The following NRXN1 variants were observed in gnomAD, a reference collection of about 807,000 sequenced individuals.
NRXN1 encodes the protein neurexin 1.
Under a neutral mutation model 150.9 loss-of-function variants are expected in NRXN1, and 39 were observed. The observed-to-expected ratio is 0.26, with a 90% CI of 0.20 to 0.34. The LOEUF (loss-of-function observed/expected upper bound fraction) is 0.34, where lower values mean the gene tolerates loss of function less well. Ranked by LOEUF, NRXN1 falls within the 10% of genes least tolerant of loss-of-function variation. NRXN1 has a pLI of 1.00. For missense variants in NRXN1, 1,815 were observed against 1,949.9 expected, an observed-to-expected ratio of 0.93 and a Z score of 1.30; for synonymous variants, 924 against 757.0, an observed-to-expected ratio of 1.22 and a Z score of -3.62.
chr2:50,354,916 T>A (rs187283775), intron 17 of NRXN1, among the ~76,000 whole-genome samples: 2 of 152,008 alleles, frequency 1.3e-5, no homozygotes, highest in Admixed American at 1.3e-4. Flanking sequence ...GAAAGAAGCA[T>A]GAGATTGTTG....
chr2:50,132,646 G>A (rs1041386285), intron 18 of NRXN1, among the ~76,000 whole-genome samples: 1 of 151,858 alleles, frequency 6.6e-6, no homozygotes, highest in Admixed American at 6.6e-5. Flanking sequence ...ATGTGAATTG[G>A]GGGAGGACAG....
At chr2:50,972,024 T>A (rs957515742) in intron 2 of NRXN1, among the ~76,000 whole-genome samples, 36 of 152,024 alleles carry the variant, frequency 2.4e-4, no homozygotes, top group African/African-American at 8.7e-4. Context: ...AGAGATATCC[T>A]GGAGACTCAA....
Position 50,488,179 on chromosome 2 carries a change from A to G in NRXN1, c.3070+7726T>C, listed in dbSNP as rs558212560. On this transcript the variant is annotated intron_variant, in intron 15 of 22. Coordinates refer to ENST00000401669, the MANE Select transcript of NRXN1 (RefSeq NM_001330078.2). ...AAATCACACTTTTTGAGCCTTTGAT[A>G]TCTTCATTTATAACCCAAGTAGCCT... Among the ~76,000 whole-genome samples, 198 of 152,278 alleles carry G rather than the reference A, an allele frequency of 1.3e-3. 2 individuals are homozygous for G. Among genetic ancestry groups the G allele is most frequent in the Non-Finnish European group, 2.2e-3 (150 of 68,006 alleles).
chr2:50,145,094 T>C (rs72881248), intron 18 of NRXN1, among the ~76,000 whole-genome samples: 7,049 of 151,740 alleles, frequency 0.046, 535 homozygotes, highest in African/African-American at 0.16. Context: ...GAAAATAGTA[T>C]AAAAGCATAT....
rs555728004 is a variant in NRXN1, at chr2:50,816,233, T to G, written c.832+105636A>C. On this transcript the variant is annotated intron_variant, in intron 5 of 22. Transcript: ENST00000401669. ...ATGGCCATTATCTATTATGCCCCAT[T>G]GATGAACGCTTTGGGAGGGTGATGT... Among the ~76,000 whole-genome samples, 6 of 152,240 alleles carry G rather than the reference T, an allele frequency of 3.9e-5. No homozygotes were observed. In the South Asian group the frequency reaches 1.2e-3, roughly 32 times the overall value.
At chr2:50,612,529 C>G (rs897703661) in intron 8 of NRXN1, among the ~76,000 whole-genome samples, 1 of 152,170 alleles carries the variant, frequency 6.6e-6, no homozygotes, top group Non-Finnish European at 1.5e-5. Flanking sequence ...GGGTAACTCA[C>G]TGGATGTTGT....
In NRXN1 at chr2:50,013,273, C is replaced by CTTT. The variant is rs3046630; in HGVS notation, c.4128+39995_4128+39997dup. ...TGTTGAGATATTACTATTAAAGTTT[C>CTTT]TTTTTTTTTTTTTGGATACAGCTGT... On this transcript the variant is annotated intron_variant, in intron 21 of 22. Transcript: ENST00000401669. 2.7e-4 allele frequency among the ~76,000 whole-genome samples: 37 copies of CTTT among 136,128 alleles called. 9 individuals are homozygous for CTTT. The highest frequency in any genetic ancestry group is 4.3e-4 in the East Asian group (2 of 4,618). 89.3% of individuals were successfully genotyped at this position (136,128 alleles called of 152,430 possible).
chr2:50,921,362 T>C (rs1035214852), intron 5 of NRXN1, among the ~76,000 whole-genome samples: 2 of 151,822 alleles, frequency 1.3e-5, no homozygotes, highest in Non-Finnish European at 2.9e-5. Context: ...TCTGTTTGTC[T>C]CTTTCTTAAT....
Position 51,028,454 on chromosome 2 carries a change from C to G in NRXN1, c.-181G>C. The G allele has an allele frequency of 2.2e-6, 1 of 460,294 alleles. No individual in the cohort carries two copies. The highest frequency in any genetic ancestry group is 3.8e-6 in the Non-Finnish European group (1 of 264,164). The allele number at this position is 460,294 out of a possible 1,614,324, so 28.5% of individuals were successfully genotyped here. A position where few individuals can be genotyped will look rare whatever the true frequency, so the allele number is the denominator to read the frequency against. ...TCTTCTTCTTCTTCCAATAACCCCG[C>G]CCTCTCTCCCTGTAGTCCTCTTCCA... is the stretch of plus-strand genomic sequence containing the variant. On this transcript the variant is annotated 5_prime_UTR_variant, in exon 2 of 23. Transcript: ENST00000401669.
At chr2:50,928,747 A>G (rs1687294376) in intron 2 of NRXN1, among the ~76,000 whole-genome samples, 1 of 152,080 alleles carries the variant, frequency 6.6e-6, no homozygotes, top group Non-Finnish European at 1.5e-5. Context: ...TAAGGTAGAA[A>G]GCAGTCCATC....
intron 12 of NRXN1, among the ~76,000 whole-genome samples, chr2:50,514,386 G>A (rs554974656): frequency 6.6e-6 from 1 of 152,126 alleles, no homozygotes; most frequent in Non-Finnish European, 1.5e-5. Context: ...GGTCCATATT[G>A]TGTCTGTTGT....
At chr2:50,204,783 A>AC in intron 18 of NRXN1, among the ~76,000 whole-genome samples, 1 of 152,112 alleles carries the variant, frequency 6.6e-6, no homozygotes, top group Admixed American at 6.6e-5. Context: ...GCCAAAAATA[A>AC]CCAAATGGCA....
At chr2:49,971,752 A>G (rs1678000104) in intron 21 of NRXN1, among the ~76,000 whole-genome samples, 1 of 152,168 alleles carries the variant, frequency 6.6e-6, no homozygotes, top group Admixed American at 6.5e-5. Flanking sequence ...TATGAAGGAA[A>G]TTGCAGCAGA....
intron 17 of NRXN1, among the ~76,000 whole-genome samples, chr2:50,360,574 A>G (rs2079119606): frequency 6.6e-6 from 1 of 152,214 alleles, no homozygotes; most frequent in Non-Finnish European, 1.5e-5. Context: ...TATCCTAAAT[A>G]TATATGCACC....
In NRXN1 at chr2:50,780,512, C is replaced by T. The variant is rs183149001; in HGVS notation, c.832+141357G>A. ...TATAAACAATAATGGCATGGTCATCCTTTTAAATTAATCATTATTTCAGCT... is the reference window on the plus strand; with the variant it reads ...TATAAACAATAATGGCATGGTCATCTTTTTAAATTAATCATTATTTCAGCT... On this transcript the variant is annotated intron_variant, in intron 5 of 22. Coordinates refer to ENST00000401669, the MANE Select transcript of NRXN1 (RefSeq NM_001330078.2). 5.1e-4 allele frequency among the ~76,000 whole-genome samples: 77 copies of T among 152,064 alleles called. 7 individuals carry two copies. The highest frequency in any genetic ancestry group is 4.5e-3 in the East Asian group (23 of 5,158).
At chr2:50,087,523 GAA>G (rs1319456542) in intron 19 of NRXN1, among the ~76,000 whole-genome samples, 2 of 152,070 alleles carry the variant, frequency 1.3e-5, no homozygotes, top group African/African-American at 4.8e-5. Context: ...TGTGGAGAGA[GAA>G]AATTTTCCCG....
intron 21 of NRXN1, among the ~76,000 whole-genome samples, chr2:49,990,438 T>C (rs923071872): frequency 4.6e-5 from 7 of 152,128 alleles, no homozygotes; most frequent in African/African-American, 7.2e-5. Flanking sequence ...TAGGAAATCA[T>C]TGAAGGTTGT....
At position 50,445,776 on chromosome 2, in the gene NRXN1, A is replaced by G. The variant is rs1389278302; in HGVS notation, c.3364+19666T>C. Among the ~76,000 whole-genome samples the G allele has an allele frequency of 6.6e-5, 10 of 152,268 alleles. No homozygotes were observed. The East Asian group carries it at 1.9e-3, about 29-fold the overall frequency. ...AAACGGTATGACAGAAAAATAGGGT[A>G]TGTTAGGGCAAGGACACCTGTGGCA... is the stretch of plus-strand genomic sequence containing the variant. On this transcript the variant is annotated intron_variant, in intron 17 of 22. Transcript: ENST00000401669.
chr2:50,612,670 C>T (rs901032212), intron 8 of NRXN1, among the ~76,000 whole-genome samples: 1 of 152,158 alleles, frequency 6.6e-6, no homozygotes, highest in Admixed American at 6.5e-5. Context: ...CTAGTACAAT[C>T]ATAGGCACAT....
Sources: gnomAD v4.1 joint callset for allele counts (sites outside exome capture counted in the v4.1 genomes callset) on GRCh38, gnomAD v4.1.1 for gene constraint, MANE v1.5 for transcripts, NCBI Gene and HGNC (gene_info 2026-07-23, HGNC 2026-07-21) for gene names.